TOM1: variants seen among roughly 807,000 people sequenced by gnomAD.
TOM1 encodes the protein target of Myb protein 1.
TOM1 carries 38 observed loss-of-function variants against 61.3 expected under a neutral mutation model. The observed-to-expected ratio is 0.62, with a 90% CI of 0.48 to 0.81. TOM1 has a LOEUF of 0.81. Among genes scored for constraint, TOM1 ranks in the 40% least tolerant of loss-of-function variants. The pLI is 0.00. For synonymous variants in TOM1, 270 were observed against 268.8 expected (o/e 1.00, Z -0.04); for missense variants, 591 against 659.6 (o/e 0.90, Z 1.14).
intron 13 of TOM1, among the ~76,000 whole-genome samples, chr22:35,346,019 G>T (rs1930481569): frequency 6.6e-6 from 1 of 152,198 alleles, no homozygotes; most frequent in African/African-American, 2.4e-5. Context: ...CCAAGGTGAG[G>T]TCCCAGTGGG....
At chr22:35,344,066 C>G (rs1012222740) in intron 12 of TOM1, 2 of 152,262 alleles carry the variant, frequency 1.3e-5, no homozygotes, top group Non-Finnish European at 2.9e-5. Flanking sequence ...CCTACACACA[C>G]CCCTACACAC....
intron 9 of TOM1, 191 bp from the exon 10 acceptor site, chr22:35,333,213 T>C: frequency 1.3e-6 from 1 of 772,870 alleles, no homozygotes; most frequent in Non-Finnish European, 2.2e-6. Context: ...CCCCAGGGTC[T>C]CCCCAACCTC....
At chr22:35,328,861 A>G (rs986903244) in intron 7 of TOM1, among the ~76,000 whole-genome samples, 2 of 152,208 alleles carry the variant, frequency 1.3e-5, no homozygotes, top group Non-Finnish European at 2.9e-5. Flanking sequence ...GGACCCAGGC[A>G]CCTGCCGTGA....
In TOM1 at chr22:35,323,061, C is replaced by T. The variant is rs759425193; in HGVS notation, c.250C>T (p.Arg84Cys). 40 of 1,614,020 alleles carry T rather than the reference C, an allele frequency of 2.5e-5. No homozygotes were observed. Among genetic ancestry groups the T allele is most frequent in the Middle Eastern group, 1.6e-4 (1 of 6,084 alleles). The change falls in exon 4 of 15, where the codon CGC (arginine) becomes TGC (cysteine). Residue 84 changes from arginine to cysteine, a missense_variant. Physicochemically the swap from Arg to Cys is radical, Grantham distance 180. Transcript: ENST00000449058. The surrounding 1 kb of genome is among the most constrained non-coding windows in gnomAD (Gnocchi z 4.2). ...LETCVKNCGH[R>C]FHVLVASQDF... ...AACCTGTGTCAAGAACTGCGGGCACCGCTTCCACGTGCTGGTGGCCAGCCA... is the reference window on the plus strand; with the variant it reads ...AACCTGTGTCAAGAACTGCGGGCACTGCTTCCACGTGCTGGTGGCCAGCCA...
chr22:35,323,732 C>T lies in TOM1; in HGVS notation c.502-36C>T, dbSNP rs181052893. ...TGACTTCCTGGGCTCTTGATGTTCC[C>T]AGGAGCCCTCACTGATCCTGTTTTC... On this transcript the variant is annotated intron_variant, in intron 5 of 14. Transcript: ENST00000449058. This position sits in a 1 kb window ranked among gnomAD's most constrained non-coding sequence, Gnocchi z 4.2. The T allele has an allele frequency of 6.7e-4, 1,067 of 1,601,604 alleles. 6 individuals carry two copies. The African/African-American group carries it at 0.012, about 18-fold the overall frequency.
At chr22:35,321,002 C>A (rs1208286548) in intron 2 of TOM1, among the ~76,000 whole-genome samples, 92 of 61,734 alleles carry the variant, frequency 1.5e-3, no homozygotes, top group South Asian at 4.0e-3. Flanking sequence ...AAAAAAAAAA[C>A]TTGAATGGAA....
chr22:35,328,289 G>A (rs1314317204), intron 7 of TOM1, among the ~76,000 whole-genome samples: 6 of 152,156 alleles, frequency 3.9e-5, no homozygotes, highest in South Asian at 2.1e-4. Context: ...AGGCAGCCTC[G>A]CACGCCCCAA....
chr22:35,327,273 T>G lies in TOM1; in HGVS notation c.651T>G (p.Ile217Met), dbSNP rs1255689718. The G allele has an allele frequency of 6.2e-7, 1 of 1,613,748 alleles. No homozygotes were observed. Among genetic ancestry groups the G allele is most frequent in the East Asian group, 2.2e-5 (1 of 44,874 alleles). ...CCACGATCAACTGTGTGTTTCAGAT[T>G]GGGAAGCTGCGCAGTGAGCTGGAGA... ...DTPIAPTPEQIGKLRSELEMV... is the reference protein window; with the variant it reads ...DTPIAPTPEQMGKLRSELEMV... The change falls in exon 7 of 15, where the codon ATT (isoleucine) becomes ATG (methionine). Residue 217 changes from isoleucine to methionine, a missense_variant and splice_region_variant. Transcript: ENST00000449058.
At chr22:35,317,524 T>G (rs186244947) in intron 1 of TOM1, among the ~76,000 whole-genome samples, 1 of 152,164 alleles carries the variant, frequency 6.6e-6, no homozygotes, top group Non-Finnish European at 1.5e-5. Flanking sequence ...GAACATCTTA[T>G]CTACAGAAAT....
At chr22:35,309,012 G>C (rs921327361) in intron 1 of TOM1, among the ~76,000 whole-genome samples, 3 of 152,050 alleles carry the variant, frequency 2.0e-5, no homozygotes, top group Non-Finnish European at 4.4e-5. Flanking sequence ...TTGGAAAATA[G>C]TTTTCAAGAC....
chr22:35,341,307 G>A (rs932846314), intron 12 of TOM1, among the ~76,000 whole-genome samples: 2 of 152,164 alleles, frequency 1.3e-5, no homozygotes, highest in African/African-American at 2.4e-5. Flanking sequence ...CTTACGCTTC[G>A]CAGTACCGCC....
chr22:35,324,383 C>T (rs556525022), intron 6 of TOM1, among the ~76,000 whole-genome samples: 2 of 127,480 alleles, frequency 1.6e-5, no homozygotes, highest in South Asian at 4.7e-4. Context: ...AGTTTGAGAC[C>T]AGGCTGGGCA....
chr22:35,314,735 C>A (rs952151689), intron 1 of TOM1, among the ~76,000 whole-genome samples: 3 of 152,050 alleles, frequency 2.0e-5, no homozygotes, highest in Non-Finnish European at 4.4e-5. Context: ...AAGGACACTT[C>A]TGGGAAAACA....
Position 35,347,237 on chromosome 22 carries a change from G to T in TOM1, c.*28G>T. On this transcript the variant is annotated 3_prime_UTR_variant, in exon 15 of 15. Coordinates refer to ENST00000449058, the MANE Select transcript of TOM1 (RefSeq NM_005488.3). ...GTGGGGTCTGGCACCCTGCAGCCCA[G>T]GTCCCCACTGCTCTCACACCCTTAG... is the stretch of plus-strand genomic sequence containing the variant. 1 of 1,569,726 alleles carries T rather than the reference G, an allele frequency of 6.4e-7. No homozygotes were observed. Among genetic ancestry groups the T allele is most frequent in the South Asian group, 1.2e-5 (1 of 86,208 alleles).
At chr22:35,318,931 A>T (rs1927538454) in intron 2 of TOM1, among the ~76,000 whole-genome samples, 1 of 152,194 alleles carries the variant, frequency 6.6e-6, no homozygotes, top group East Asian at 1.9e-4. Context: ...CGCAGGCTGG[A>T]TGCAGGTGGA....
chr22:35,324,619 G>A (rs1363578440), intron 6 of TOM1, among the ~76,000 whole-genome samples: 1 of 152,154 alleles, frequency 6.6e-6, no homozygotes, highest in Non-Finnish European at 1.5e-5. Context: ...CACCATCTAG[G>A]CTCACTGCAA....
At chr22:35,299,770 C>G, upstream of TOM1, 2 of 790,584 alleles carry the variant, frequency 2.5e-6, no homozygotes, top group Non-Finnish European at 2.0e-6. Flanking sequence ...GGGGGCGGGA[C>G]CCTGGCGTCT....
In TOM1 at chr22:35,323,714, C is replaced by G; in HGVS notation, c.502-54C>G. ...CATCACCAGGCTGGCCCCTGACTTCCTGGGCTCTTGATGTTCCCAGGAGCC... is the reference window on the plus strand; with the variant it reads ...CATCACCAGGCTGGCCCCTGACTTCGTGGGCTCTTGATGTTCCCAGGAGCC... On this transcript the variant is annotated intron_variant, in intron 5 of 14. Coordinates refer to ENST00000449058, the MANE Select transcript of TOM1 (RefSeq NM_005488.3). The surrounding 1 kb of genome is among the most constrained non-coding windows in gnomAD (Gnocchi z 4.2). The G allele has an allele frequency of 6.2e-7, 1 of 1,605,730 alleles. No homozygotes were observed. Among genetic ancestry groups the G allele is most frequent in the African/African-American group, 1.3e-5 (1 of 74,872 alleles).
intron 6 of TOM1, among the ~76,000 whole-genome samples, chr22:35,325,188 G>C (rs935057392): frequency 6.6e-6 from 1 of 152,250 alleles, no homozygotes; most frequent in Non-Finnish European, 1.5e-5. Flanking sequence ...CGTAAAGGTG[G>C]AGCTGCTGAG....
Sources: allele counts gnomAD v4.1 joint callset (sites outside exome capture counted in the v4.1 genomes callset), GRCh38; gene constraint gnomAD v4.1.1; non-coding constraint Gnocchi (gnomAD v3.1); transcripts MANE v1.5; gene names NCBI Gene and HGNC (gene_info 2026-07-23, HGNC 2026-07-21).